DPY19L2: variants seen among roughly 807,000 people sequenced by gnomAD.
DPY19L2 encodes dpy-19 like 2.
A neutral mutation model predicts 97.9 loss-of-function variants in DPY19L2; 34 were observed. The ratio of observed to expected loss-of-function variants is 0.35; its 90% CI spans 0.26 to 0.46. The LOEUF is 0.46. Among genes scored for constraint, DPY19L2 ranks in the 20% least tolerant of loss-of-function variants. DPY19L2 has a pLI of 1.00. For missense variants in DPY19L2, 623 were observed against 911.4 expected, an observed-to-expected ratio of 0.68 and a Z score of 4.07; for synonymous variants, 230 against 307.9, an observed-to-expected ratio of 0.75 and a Z score of 2.65.
intron 12 of DPY19L2, among the ~76,000 whole-genome samples, chr12:63,602,277 T>A (rs564106723): frequency 9.2e-5 from 14 of 151,422 alleles, no homozygotes; most frequent in South Asian, 2.1e-4. Flanking sequence ...TCAAAAAAAA[T>A]AAAAACTGAA....
chr12:63,640,143 T>C (rs908560030), intron 6 of DPY19L2, among the ~76,000 whole-genome samples: 9 of 152,036 alleles, frequency 5.9e-5, no homozygotes, highest in South Asian at 4.2e-4. Flanking sequence ...TAGGTGGGAA[T>C]TGAACAATGA....
At chr12:63,582,723 G>T (rs1372919122) in intron 17 of DPY19L2, among the ~76,000 whole-genome samples, 198 bp from the exon 18 acceptor site, 1 of 152,144 alleles carries the variant, frequency 6.6e-6, no homozygotes, top group Non-Finnish European at 1.5e-5. Flanking sequence ...ATACAGCAGT[G>T]AGCAATTTCT....
intron 20 of DPY19L2, among the ~76,000 whole-genome samples, chr12:63,570,079 A>G (rs1369840051): frequency 6.6e-6 from 1 of 152,172 alleles, no homozygotes; most frequent in South Asian, 2.1e-4. Context: ...GCAGACCTAA[A>G]ACTTTTAAAT....
At position 63,652,119 on chromosome 12, in the gene DPY19L2, G is replaced by A. The variant is rs556199580; in HGVS notation, c.589-4754C>T. Among the ~76,000 whole-genome samples the A allele has an allele frequency of 1.4e-4, 22 of 152,128 alleles. 1 individual carries two copies. The South Asian group carries it at 4.2e-3, about 29-fold the overall frequency. On this transcript the variant is annotated intron_variant, in intron 4 of 21. Coordinates refer to ENST00000324472, the MANE Select transcript of DPY19L2 (RefSeq NM_173812.5). ...TTTTAAAACATGAAAAAAAAAGTAG[G>A]TGAAGGACATAAACACAAATTTCTC...
chr12:63,648,840 A>G (rs571148233), intron 4 of DPY19L2, among the ~76,000 whole-genome samples: 20 of 152,152 alleles, frequency 1.3e-4, no homozygotes, highest in Admixed American at 2.6e-4. Flanking sequence ...AAAGATCTCA[A>G]ACTGAATGAG....
At chr12:63,648,336 A>G (rs1304459197) in intron 4 of DPY19L2, among the ~76,000 whole-genome samples, 5 of 152,184 alleles carry the variant, frequency 3.3e-5, no homozygotes, top group African/African-American at 1.2e-4. Context: ...ATATACAAAA[A>G]GTACCCAAAA....
At chr12:63,641,379 T>C (rs1055574915) in intron 6 of DPY19L2, among the ~76,000 whole-genome samples, 1 of 152,056 alleles carries the variant, frequency 6.6e-6, no homozygotes, top group African/African-American at 2.4e-5. Context: ...GTCCATGTAG[T>C]CGCCATATAA....
At chr12:63,584,959 G>C (rs546752655) in intron 16 of DPY19L2, among the ~76,000 whole-genome samples, 1 of 152,288 alleles carries the variant, frequency 6.6e-6, no homozygotes, top group East Asian at 1.9e-4. Context: ...CACAGTCCAT[G>C]ATGAGTGCTT....
chr12:63,588,166 C>G (rs1882138701), intron 16 of DPY19L2, among the ~76,000 whole-genome samples: 1 of 152,050 alleles, frequency 6.6e-6, no homozygotes, highest in South Asian at 2.1e-4. Context: ...GGAGAACAAC[C>G]TTCATAAATA....
chr12:63,577,651 A>T (rs1366074846), intron 19 of DPY19L2, among the ~76,000 whole-genome samples: 1 of 152,120 alleles, frequency 6.6e-6, no homozygotes, highest in Non-Finnish European at 1.5e-5. Flanking sequence ...AAAACATACA[A>T]GTGGCAAACA....
chr12:63,623,261 T>C (rs896990983), intron 8 of DPY19L2, among the ~76,000 whole-genome samples: 2 of 151,944 alleles, frequency 1.3e-5, no homozygotes, highest in African/African-American at 4.8e-5. Flanking sequence ...AAAAAAAAGT[T>C]TGAAATGAAA....
intron 12 of DPY19L2, among the ~76,000 whole-genome samples, chr12:63,603,436 C>T (rs1885514411): frequency 6.6e-6 from 1 of 152,084 alleles, no homozygotes; most frequent in South Asian, 2.1e-4. Context: ...TAAACATGTG[C>T]CATGGTGGTT....
intron 21 of DPY19L2, 96 bp downstream of exon 21, chr12:63,569,128 A>T (rs1201929424): frequency 3.7e-6 from 5 of 1,357,922 alleles, no homozygotes; most frequent in Non-Finnish European, 4.9e-6. Flanking sequence ...ATAAATTTAA[A>T]ATAAAAATTC....
At chr12:63,587,460 A>G (rs531483935) in intron 16 of DPY19L2, among the ~76,000 whole-genome samples, 1 of 151,802 alleles carries the variant, frequency 6.6e-6, no homozygotes, top group Non-Finnish European at 1.5e-5. Context: ...AAATCCTCAC[A>G]GAGCATTTAC....
At chr12:63,661,188 A>C (rs1895625933) in intron 4 of DPY19L2, 156 bp downstream of exon 4, 1 of 673,658 alleles carries the variant, frequency 1.5e-6, no homozygotes, top group African/African-American at 1.9e-5. Context: ...TTAAATTTTA[A>C]GAGAGGAACT....
rs140938571 is a variant in DPY19L2 at position 63,629,230 on chromosome 12, A to C, written c.804-2704T>G. 2.6e-5 allele frequency among the ~76,000 whole-genome samples: 4 copies of C among 152,300 alleles called. No individual in the cohort carries two copies. In the East Asian group the frequency reaches 7.7e-4, roughly 29 times the overall value. On this transcript the variant is annotated intron_variant, in intron 6 of 21. Coordinates refer to ENST00000324472, the MANE Select transcript of DPY19L2 (RefSeq NM_173812.5). ...AGCTGGATGGAGAATGACTTTGACG[A>C]GTTGACAGAAGAAGGCTTCAGATGA...
At chr12:63,629,703 G>A (rs989677648) in intron 6 of DPY19L2, among the ~76,000 whole-genome samples, 1 of 152,094 alleles carries the variant, frequency 6.6e-6, no homozygotes, top group African/African-American at 2.4e-5. Flanking sequence ...TCAAATTCAG[G>A]AAATACAGAG....
chr12:63,586,519 AAGC>A (rs1277849065), intron 16 of DPY19L2, among the ~76,000 whole-genome samples: 1 of 152,196 alleles, frequency 6.6e-6, no homozygotes, highest in Non-Finnish European at 1.5e-5. Context: ...GCGCTGAAGC[AAGC>A]AGGTCTCTAG....
At chr12:63,650,884 A>C (rs890093029) in intron 4 of DPY19L2, among the ~76,000 whole-genome samples, 5 of 151,404 alleles carry the variant, frequency 3.3e-5, no homozygotes, top group Non-Finnish European at 5.9e-5. Context: ...TAAGGTTAAA[A>C]TAAATAAATA....
Sources: gnomAD v4.1 joint callset for allele counts (sites outside exome capture counted in the v4.1 genomes callset) on GRCh38, gnomAD v4.1.1 for gene constraint, MANE v1.5 for transcripts, NCBI Gene and HGNC (gene_info 2026-07-23, HGNC 2026-07-21) for gene names.